The following UBE2O variants were observed in gnomAD, a reference collection of about 807,000 sequenced individuals.
The protein encoded by UBE2O is (E3-independent) E2 ubiquitin-conjugating enzyme.
In UBE2O, 15 loss-of-function variants were observed where a neutral mutation model predicts 125.8. The ratio of observed to expected loss-of-function variants is 0.12; its 90% CI spans 0.08 to 0.18. UBE2O has a LOEUF of 0.18. UBE2O is among the 10% of genes least tolerant of loss of function. The pLI is 1.00. For missense variants in UBE2O, 1,280 were observed against 1,723.6 expected, an observed-to-expected ratio of 0.74 and a Z score of 4.56; for synonymous variants, 708 against 703.2, an observed-to-expected ratio of 1.01 and a Z score of -0.11.
chr17:76,445,825 G>C (rs1191319234), intron 1 of UBE2O, among the ~76,000 whole-genome samples: 1 of 152,196 alleles, frequency 6.6e-6, no homozygotes, highest in East Asian at 1.9e-4. Context: ...AGTGGCTCCT[G>C]ACAGAGTCCC....
At chr17:76,431,494 T>C (rs2072907193) in intron 1 of UBE2O, among the ~76,000 whole-genome samples, 1 of 151,724 alleles carries the variant, frequency 6.6e-6, no homozygotes, top group South Asian at 2.1e-4. Context: ...GGCGACAGGG[T>C]GCTCTGTCTC....
chr17:76,453,059 G>A lies in UBE2O; in HGVS notation c.83C>T (p.Pro28Leu), dbSNP rs1239472985. 7.3e-7 allele frequency: 1 copy of A among 1,367,938 alleles called. No homozygotes were observed. The highest frequency in any genetic ancestry group is 9.5e-7 in the Non-Finnish European group (1 of 1,048,574). The allele number at this position is 1,367,938 out of a possible 1,614,324, so 84.7% of individuals were successfully genotyped here. A position where few individuals can be genotyped will look rare whatever the true frequency, so the allele number is the denominator to read the frequency against. The part of the protein sequence containing the change: ...PAPAPEAVPA[P>L]AAAPVPAPAP... ...CGGCGCCGGGACGGGGGCTGCGGCT[G>A]GGGCCGGGACTGCCTCCGGGGCTGG... Residue 28 changes from proline to leucine, a missense_variant, in exon 1 of 18, where the codon CCA becomes CTA. Physicochemically the swap from Pro to Leu is moderately conservative, Grantham distance 98 (BLOSUM62 -3). This residue lies in a region of UBE2O where 188 missense variants were observed against 192.5 expected (regional missense o/e 0.98). Transcript: ENST00000319380.
intron 1 of UBE2O, among the ~76,000 whole-genome samples, chr17:76,427,242 G>A (rs2072827333): frequency 1.3e-5 from 2 of 152,032 alleles, no homozygotes; most frequent in Admixed American, 1.3e-4. Flanking sequence ...CTGTTTTCCA[G>A]TTCCCATAGT....
chr17:76,452,637 G>T lies in UBE2O; in HGVS notation c.417+88C>A. On this transcript the variant is annotated intron_variant, in intron 1 of 17. Transcript: ENST00000319380. This position sits in a 1 kb window ranked among gnomAD's most constrained non-coding sequence, Gnocchi z 4.4. ...CGGCCACTGCAGTGGCACCGCTCCG[G>T]GCAGGGCCCTGCACGCCGTCCTTCC... 8.1e-7 allele frequency: 1 copy of T among 1,237,782 alleles called. No individual in the cohort carries two copies. The highest frequency in any genetic ancestry group is 1.0e-6 in the Non-Finnish European group (1 of 971,324). 76.7% of individuals were successfully genotyped at this position (1,237,782 alleles called of 1,614,324 possible). A position where few individuals can be genotyped will look rare whatever the true frequency, so the allele number is the denominator to read the frequency against.
chr17:76,430,213 T>C lies in UBE2O; in HGVS notation c.417+22512A>G, dbSNP rs566812092. On this transcript the variant is annotated intron_variant, in intron 1 of 17. Coordinates refer to ENST00000319380, the MANE Select transcript of UBE2O (RefSeq NM_022066.4). ...CTTTTGTTATTGTTTTCTCTCCCAT[T>C]CTGTGTCCTTGTGGGTTTATACATC... Among the ~76,000 whole-genome samples the C allele has an allele frequency of 3.3e-5, 5 of 152,328 alleles. No individual in the cohort carries two copies. The South Asian group carries it at 1.0e-3, about 32-fold the overall frequency.
rs112156102 is a variant in UBE2O at position 76,403,491 on chromosome 17, TA to T, written c.589-793del. Among the ~76,000 whole-genome samples, 6 of 152,074 alleles carry T rather than the reference TA, an allele frequency of 3.9e-5. No homozygotes were observed. In the South Asian group the frequency reaches 1.0e-3, roughly 26 times the overall value. ...TTCGCCATGTTGCCCAAGCTGGTCT[TA>T]AACTCTTGAGCTCAAGTGATCCATC... On this transcript the variant is annotated intron_variant, in intron 3 of 17. Coordinates refer to ENST00000319380, the MANE Select transcript of UBE2O (RefSeq NM_022066.4).
intron 1 of UBE2O, among the ~76,000 whole-genome samples, chr17:76,426,139 A>G (rs1162888559): frequency 6.6e-6 from 1 of 152,120 alleles, no homozygotes; most frequent in Non-Finnish European, 1.5e-5. Context: ...AGTAGCTGGG[A>G]CTACAGATGC....
In UBE2O at chr17:76,399,712, C is replaced by T. The variant is rs1170646288; in HGVS notation, c.1365G>A (p.Glu455=). ...MQDEGAEEPH[E]AGEQLPPFLL... is the part of the protein sequence containing the mutation. ...GGAATGGGGGCAGCTGCTCTCCTGC[C>T]TCGTGGGGCTCCTCTGCACCCTCGT... Residue 455 remains glutamate, a synonymous_variant, in exon 9 of 18, where the codon GAG becomes GAA. Transcript: ENST00000319380. The surrounding 1 kb of genome is among the most constrained non-coding windows in gnomAD (Gnocchi z 6.9). 6.2e-7 allele frequency: 1 copy of T among 1,614,054 alleles called. No individual in the cohort carries two copies. The highest frequency in any genetic ancestry group is 8.5e-7 in the Non-Finnish European group (1 of 1,180,044).
At chr17:76,411,506 C>T (rs544494337) in intron 1 of UBE2O, among the ~76,000 whole-genome samples, 1 of 152,288 alleles carries the variant, frequency 6.6e-6, no homozygotes, top group Non-Finnish European at 1.5e-5. Context: ...AAGCAGGGGC[C>T]TGCATGGAGC....
chr17:76,433,477 T>C (rs868765654), intron 1 of UBE2O, among the ~76,000 whole-genome samples: 1 of 150,650 alleles, frequency 6.6e-6, no homozygotes. Context: ...GGTTTCTTTT[T>C]AGGGTGATGA....
chr17:76,418,383 C>A (rs1015898896), intron 1 of UBE2O, among the ~76,000 whole-genome samples: 1 of 152,196 alleles, frequency 6.6e-6, no homozygotes, highest in Non-Finnish European at 1.5e-5. Flanking sequence ...AGGAGCCATG[C>A]CTTACAACCA....
intron 15 of UBE2O, among the ~76,000 whole-genome samples, chr17:76,393,702 T>G (rs1052971049): frequency 6.6e-6 from 1 of 152,066 alleles, no homozygotes; most frequent in Non-Finnish European, 1.5e-5. Flanking sequence ...CAGTGAGGGT[T>G]TGAACTCCAT....
chr17:76,440,999 G>C (rs1006937719), intron 1 of UBE2O, among the ~76,000 whole-genome samples: 10 of 152,202 alleles, frequency 6.6e-5, no homozygotes, highest in African/African-American at 2.4e-4. Context: ...AAGAGAACCT[G>C]CATTCGGGCA....
At chr17:76,437,581 T>C (rs557866434) in intron 1 of UBE2O, among the ~76,000 whole-genome samples, 2 of 152,206 alleles carry the variant, frequency 1.3e-5, no homozygotes, top group South Asian at 4.1e-4. Flanking sequence ...ATGTGGCTGA[T>C]GTTAATATCT....
At chr17:76,431,294 T>C (rs1490312394) in intron 1 of UBE2O, among the ~76,000 whole-genome samples, 2 of 152,094 alleles carry the variant, frequency 1.3e-5, no homozygotes, top group Admixed American at 1.3e-4. Flanking sequence ...GGTAGATCAC[T>C]TGCAGTCAGG....
At chr17:76,439,217 C>T (rs1299653060) in intron 1 of UBE2O, among the ~76,000 whole-genome samples, 1 of 152,182 alleles carries the variant, frequency 6.6e-6, no homozygotes, top group Non-Finnish European at 1.5e-5. Context: ...ACCTACTTCA[C>T]GGGGTTCTCC....
In UBE2O at chr17:76,402,028, T is replaced by C; in HGVS notation, c.750+36A>G. ...GTCCTCCTTCCAGAGGACTGAGCAATCAGAGAAGGGTGCTGGCCTGGATGG... is the reference window on the plus strand; with the variant it reads ...GTCCTCCTTCCAGAGGACTGAGCAACCAGAGAAGGGTGCTGGCCTGGATGG... On this transcript the variant is annotated intron_variant, in intron 5 of 17. Coordinates refer to ENST00000319380, the MANE Select transcript of UBE2O (RefSeq NM_022066.4). The surrounding 1 kb of genome is among the most constrained non-coding windows in gnomAD (Gnocchi z 5.4). 1 of 1,608,112 alleles carries C rather than the reference T, an allele frequency of 6.2e-7. No individual in the cohort carries two copies. Among genetic ancestry groups the C allele is most frequent in the Non-Finnish European group, 8.5e-7 (1 of 1,177,140 alleles).
intron 15 of UBE2O, among the ~76,000 whole-genome samples, chr17:76,393,368 G>A (rs747460273): frequency 5.3e-5 from 8 of 151,528 alleles, no homozygotes; most frequent in South Asian, 2.1e-4. Context: ...AGGTTCAAGC[G>A]ATTCTCTGCT....
intron 1 of UBE2O, among the ~76,000 whole-genome samples, chr17:76,437,060 A>G (rs757878536): frequency 3.4e-4 from 52 of 152,092 alleles, no homozygotes; most frequent in Admixed American, 2.2e-3. Flanking sequence ...GAGGCAGGAG[A>G]ATCGCCTGAA....
Sources: gnomAD v4.1 joint callset for allele counts (sites outside exome capture counted in the v4.1 genomes callset) on GRCh38, gnomAD v4.1.1 for gene constraint, gnomAD v4.1.1 regional missense constraint, Gnocchi (gnomAD v3.1) non-coding constraint, MANE v1.5 for transcripts, NCBI Gene and HGNC (gene_info 2026-07-23, HGNC 2026-07-21) for gene names.